Variants in LOC128462377 observed in about 807,000 individuals in gnomAD.
chr16:89,368,371 G>GTTTTTTTTT, the LOC128462377 span, among the ~76,000 whole-genome samples: 1 of 56,596 alleles, frequency 1.8e-5, no homozygotes, highest in Non-Finnish European at 3.7e-5. Context: ...TAATTTTTGT[G>GTTTTTTTTT]TTTTTTTTTT....
At chr16:89,380,764 G>A in the LOC128462377 span, among the ~76,000 whole-genome samples, 1 of 152,244 alleles carries the variant, frequency 6.6e-6, no homozygotes, top group African/African-American at 2.4e-5. Flanking sequence ...GCCTCGTGGG[G>A]CATCTCCTGC....
At chr16:89,344,259 C>G in the LOC128462377 span, among the ~76,000 whole-genome samples, 1 of 152,272 alleles carries the variant, frequency 6.6e-6, no homozygotes, top group East Asian at 1.9e-4. Flanking sequence ...TACTTTCATA[C>G]GTTATTTTAT....
chr16:89,384,698 A>C, the LOC128462377 span, among the ~76,000 whole-genome samples: 7 of 151,928 alleles, frequency 4.6e-5, no homozygotes, highest in African/African-American at 1.5e-4. Context: ...ATAGAACTCA[A>C]TTCTTCCCTC....
the LOC128462377 span, among the ~76,000 whole-genome samples, chr16:89,391,265 G>C: frequency 3.3e-5 from 5 of 152,078 alleles, no homozygotes; most frequent in South Asian, 1.0e-3. Flanking sequence ...AACCCAAGGA[G>C]GGGTCACGGA....
chr16:89,416,926 C>G, the LOC128462377 span, among the ~76,000 whole-genome samples: 1 of 152,110 alleles, frequency 6.6e-6, no homozygotes, highest in Non-Finnish European at 1.5e-5. Flanking sequence ...TACCTGGCCC[C>G]TCCATGGCAC....
At chr16:89,324,113 G>A in the LOC128462377 span, 1 of 597,356 alleles carries the variant, frequency 1.7e-6, no homozygotes, top group Non-Finnish European at 2.3e-6. Flanking sequence ...GCCTCCCAAA[G>A]TGCCCCACGG....
At chr16:89,341,641 C>A in the LOC128462377 span, among the ~76,000 whole-genome samples, 1 of 152,254 alleles carries the variant, frequency 6.6e-6, no homozygotes, top group Admixed American at 6.5e-5. Flanking sequence ...CCACCGTTAA[C>A]ACTGGGAGCA....
the LOC128462377 span, among the ~76,000 whole-genome samples, chr16:89,379,045 C>T: frequency 7.9e-4 from 121 of 152,338 alleles, 1 homozygote; most frequent in African/African-American, 2.8e-3. Context: ...CATTCACTGT[C>T]GCTTAGAACT....
the LOC128462377 span, among the ~76,000 whole-genome samples, chr16:89,380,536 A>G: frequency 7.0e-6 from 1 of 143,154 alleles, no homozygotes; most frequent in African/African-American, 2.7e-5. Context: ...AACGGGACAC[A>G]GGGCACGAAG....
At chr16:89,331,660 G>A in the LOC128462377 span, among the ~76,000 whole-genome samples, 5 of 152,128 alleles carry the variant, frequency 3.3e-5, no homozygotes, top group South Asian at 2.1e-4. Context: ...CTCCTCTGTC[G>A]CCCAGGCTGC....
At chr16:89,395,410 T>C in the LOC128462377 span, among the ~76,000 whole-genome samples, 1 of 152,176 alleles carries the variant, frequency 6.6e-6, no homozygotes, top group South Asian at 2.1e-4. Context: ...GCTACTGGCA[T>C]GCAAAGATCA....
At chr16:89,322,991 G>GTGGCACCA in the LOC128462377 span, 1 of 291,854 alleles carries the variant, frequency 3.4e-6, no homozygotes, top group Non-Finnish European at 6.7e-6. Context: ...GTACAGGCCC[G>GTGGCACCA]TGGCACCATG....
the LOC128462377 span, among the ~76,000 whole-genome samples, chr16:89,330,408 A>C: frequency 6.6e-6 from 1 of 151,908 alleles, no homozygotes; most frequent in African/African-American, 2.4e-5. Context: ...CCGCTCGCAC[A>C]CCGGGAGGGC....
At chr16:89,368,389 T>G in the LOC128462377 span, among the ~76,000 whole-genome samples, 114 of 137,982 alleles carry the variant, frequency 8.3e-4, no homozygotes, top group South Asian at 0.01. Flanking sequence ...TTTTTTTTTT[T>G]TTTTTTTTTT....
the LOC128462377 span, among the ~76,000 whole-genome samples, chr16:89,374,280 T>C: frequency 2.6e-5 from 4 of 152,070 alleles, no homozygotes; most frequent in Non-Finnish European, 5.9e-5. Flanking sequence ...TCTCTTCACT[T>C]AAAAAATATT....
chr16:89,337,007 CAAAAAA>C, the LOC128462377 span, among the ~76,000 whole-genome samples: 40 of 47,730 alleles, frequency 8.4e-4, no homozygotes, highest in Non-Finnish European at 3.7e-4. Context: ...CTGGCTCTAC[CAAAAAA>C]AAAAAAAAAA....
chr16:89,406,521 A>G, the LOC128462377 span, among the ~76,000 whole-genome samples: 633 of 152,328 alleles, frequency 4.2e-3, 5 homozygotes, highest in Middle Eastern at 6.8e-3. Context: ...GCCCGGTGTC[A>G]GCACGCAGAC....
the LOC128462377 span, chr16:89,324,433 G>A: frequency 2.1e-6 from 1 of 467,098 alleles, no homozygotes; most frequent in Non-Finnish European, 4.2e-6. Flanking sequence ...TAAAACCAAG[G>A]TAAGTGTGAG....
the LOC128462377 span, among the ~76,000 whole-genome samples, chr16:89,322,158 G>A: frequency 3.9e-5 from 6 of 152,236 alleles, no homozygotes; most frequent in South Asian, 2.1e-4. Context: ...GGAGGCTGGC[G>A]CCCCCAACCC....
Sources: gnomAD v4.1 joint callset for allele counts (sites outside exome capture counted in the v4.1 genomes callset) on GRCh38, gnomAD v4.1.1 for gene constraint, MANE v1.5 for transcripts.